TANK: variants seen among roughly 807,000 people sequenced by gnomAD.
The protein encoded by TANK is TRAF family member associated NFKB activator, also known as TRAF family member-associated NF-kappa-B activator.
In TANK, 15 loss-of-function variants were observed where a neutral mutation model predicts 43.6. The ratio of observed to expected loss-of-function variants is 0.34; its 90% CI spans 0.23 to 0.53. The LOEUF is 0.53. Ranked by LOEUF, TANK falls within the 20% of genes least tolerant of loss-of-function variation. The pLI is 0.94. For synonymous variants in TANK, 162 were observed against 178.2 expected, an observed-to-expected ratio of 0.91 and a Z score of 0.73; for missense variants, 417 against 498.6, an observed-to-expected ratio of 0.84 and a Z score of 1.56.
At chr2:161,204,641 T>C in intron 3 of TANK, 34 bp from the exon 4 acceptor site, 1 of 1,580,490 alleles carries the variant, frequency 6.3e-7, no homozygotes, top group Non-Finnish European at 8.6e-7. Flanking sequence ...AATAAGGGTT[T>C]TCTGCTAATG....
chr2:161,195,587 T>C (rs554440449), intron 2 of TANK, among the ~76,000 whole-genome samples: 3 of 152,056 alleles, frequency 2.0e-5, no homozygotes, highest in Admixed American at 2.0e-4. Context: ...TTAAGGACTT[T>C]CGGTTCTTTA....
intron 2 of TANK, among the ~76,000 whole-genome samples, chr2:161,203,263 A>C (rs918560303): frequency 1.3e-5 from 2 of 152,154 alleles, no homozygotes; most frequent in African/African-American, 2.4e-5. Context: ...AATGTCTTTA[A>C]ATAAGTTAAT....
intron 4 of TANK, chr2:161,207,677 G>A (rs1488427189): frequency 1.9e-5 from 19 of 985,148 alleles, no homozygotes; most frequent in Non-Finnish European, 2.3e-5. Flanking sequence ...TGTTCCATTG[G>A]CCTATGTGTT....
chr2:161,203,787 A>G (rs1032283823), intron 3 of TANK, among the ~76,000 whole-genome samples, 192 bp downstream of exon 3: 1 of 152,188 alleles, frequency 6.6e-6, no homozygotes, highest in African/African-American at 2.4e-5. Flanking sequence ...CACATATACT[A>G]TACTATATGG....
chr2:161,200,222 A>T, intron 2 of TANK: 1 of 282,126 alleles, frequency 3.5e-6, no homozygotes, highest in Non-Finnish European at 5.3e-6. Context: ...TTGCTGTTGT[A>T]CATTTTCAAT....
intron 2 of TANK, 114 bp downstream of exon 2, chr2:161,179,875 C>T: frequency 7.2e-7 from 1 of 1,383,330 alleles, no homozygotes. Context: ...ACTATAATTA[C>T]AGAAATGCAG....
chr2:161,149,474 A>C (rs1344213649), intron 1 of TANK, among the ~76,000 whole-genome samples: 1 of 152,018 alleles, frequency 6.6e-6, no homozygotes. Flanking sequence ...GATGGCTTTT[A>C]TTTCTTTTTC....
chr2:161,170,487 T>C (rs1453821995), intron 1 of TANK, among the ~76,000 whole-genome samples: 2 of 152,182 alleles, frequency 1.3e-5, no homozygotes, highest in Non-Finnish European at 2.9e-5. Flanking sequence ...CAGATCACTA[T>C]GGGAAAAAAG....
chr2:161,229,861 C>T (rs1687820305), intron 6 of TANK, among the ~76,000 whole-genome samples: 1 of 152,146 alleles, frequency 6.6e-6, no homozygotes, highest in South Asian at 2.1e-4. Flanking sequence ...ACTTCAGTGC[C>T]TTCTTTAAGG....
At chr2:161,188,621 C>T (rs892900105) in intron 2 of TANK, among the ~76,000 whole-genome samples, 8 of 152,176 alleles carry the variant, frequency 5.3e-5, no homozygotes, top group African/African-American at 9.6e-5. Flanking sequence ...TACCAATCCT[C>T]TCAGTCTCTT....
intron 4 of TANK, chr2:161,216,590 CAAAAAA>C: frequency 1.6e-5 from 2 of 121,320 alleles, no homozygotes; most frequent in Non-Finnish European, 1.8e-5. Context: ...CTTTCTTGGC[CAAAAAA>C]AAAAAAAAAA....
intron 2 of TANK, among the ~76,000 whole-genome samples, chr2:161,196,580 C>A (rs773386634): frequency 6.6e-6 from 1 of 152,078 alleles, no homozygotes; most frequent in Non-Finnish European, 1.5e-5. Flanking sequence ...GGGGGCCAGG[C>A]GCGGTGGCTC....
intron 4 of TANK, chr2:161,223,193 C>T (rs1026685750): frequency 6.6e-6 from 1 of 151,972 alleles, no homozygotes; most frequent in African/African-American, 2.4e-5. Context: ...AGTTTATAAG[C>T]TTTAGAAAGT....
chr2:161,156,901 C>T (rs1173654927), upstream of TANK, among the ~76,000 whole-genome samples: 1 of 152,166 alleles, frequency 6.6e-6, no homozygotes, highest in African/African-American at 2.4e-5. Context: ...AGTAAACCCC[C>T]AGAGAAACAA....
intron 4 of TANK, among the ~76,000 whole-genome samples, chr2:161,205,165 A>C (rs1686591594): frequency 6.6e-6 from 1 of 152,116 alleles, no homozygotes; most frequent in Admixed American, 6.5e-5. Context: ...ATCTCTATAA[A>C]AAATGAAAAA....
chr2:161,185,434 G>C (rs1456018734), intron 2 of TANK, among the ~76,000 whole-genome samples: 3 of 151,836 alleles, frequency 2.0e-5, no homozygotes, highest in Admixed American at 2.0e-4. Flanking sequence ...TTAAAAGCTT[G>C]ACTGTGCAGA....
intron 7 of TANK, among the ~76,000 whole-genome samples, chr2:161,233,582 C>G (rs891010505): frequency 1.3e-5 from 2 of 151,894 alleles, no homozygotes; most frequent in Non-Finnish European, 2.9e-5. Flanking sequence ...TATTATTGTT[C>G]TATGTGATTT....
intron 1 of TANK, among the ~76,000 whole-genome samples, chr2:161,152,885 G>A (rs955591910): frequency 6.6e-6 from 1 of 152,126 alleles, no homozygotes; most frequent in East Asian, 1.9e-4. Flanking sequence ...CCTCAGTGTG[G>A]ATTTTTTTGA....
intron 1 of TANK, among the ~76,000 whole-genome samples, chr2:161,148,933 T>C (rs1007306485): frequency 6.6e-6 from 1 of 152,162 alleles, no homozygotes; most frequent in Admixed American, 6.6e-5. Flanking sequence ...GCGTGAGTCT[T>C]CCAACTTTGT....
Sources: allele counts gnomAD v4.1 joint callset (sites outside exome capture counted in the v4.1 genomes callset), GRCh38; gene constraint gnomAD v4.1.1; transcripts MANE v1.5; gene names NCBI Gene and HGNC (gene_info 2026-07-23, HGNC 2026-07-21).